Variants in ROCK1 observed in about 807,000 individuals in gnomAD.
ROCK1 encodes the protein rho-associated protein kinase 1.
Under a neutral mutation model 196.8 loss-of-function variants are expected in ROCK1, and 36 were observed. The ratio of observed to expected loss-of-function variants is 0.18; its 90% CI spans 0.14 to 0.24. ROCK1 has a LOEUF of 0.24. ROCK1 is among the 10% of genes least tolerant of loss of function. The pLI is 1.00. For synonymous variants in ROCK1, 443 were observed against 515.9 expected, an observed-to-expected ratio of 0.86 and a Z score of 1.91; for missense variants, 920 against 1,562.0, an observed-to-expected ratio of 0.59 and a Z score of 6.93.
intron 1 of ROCK1, among the ~76,000 whole-genome samples, chr18:21,101,940 T>C (rs1483312458): frequency 3.3e-5 from 5 of 152,192 alleles, no homozygotes; most frequent in South Asian, 2.1e-4. Flanking sequence ...GAATTTACTT[T>C]AAAATATTTT....
Position 21,111,151 on chromosome 18 carries a change from G to C in ROCK1, c.-241C>G. ...GCCCAAAGTCGCATCCCACCCGGCA[G>C]CCCCTCACGACAGCCGACAGCGCCG... On this transcript the variant is annotated 5_prime_UTR_variant, in exon 1 of 33. Coordinates refer to ENST00000399799, the MANE Select transcript of ROCK1 (RefSeq NM_005406.3). This position sits in a 1 kb window ranked among gnomAD's most constrained non-coding sequence, Gnocchi z 4.2. The C allele has an allele frequency of 1.8e-6, 1 of 569,106 alleles. No individual in the cohort carries two copies. The highest frequency in any genetic ancestry group is 3.1e-6 in the Non-Finnish European group (1 of 322,506). The allele number at this position is 569,106 out of a possible 1,614,324, so 35.3% of individuals were successfully genotyped here. A position where few individuals can be genotyped will look rare whatever the true frequency, so the allele number is the denominator to read the frequency against.
At chr18:21,110,101 TG>T (rs2036737281) in intron 1 of ROCK1, among the ~76,000 whole-genome samples, 1 of 152,302 alleles carries the variant, frequency 6.6e-6, no homozygotes, top group South Asian at 2.1e-4. Flanking sequence ...AAAATGGGAT[TG>T]TGGTTTTTCA....
chr18:20,949,799 A>G lies in ROCK1; in HGVS notation c.*1585T>C, dbSNP rs1598503161. The G allele has an allele frequency of 6.5e-6, 1 of 152,784 alleles. No homozygotes were observed. The highest frequency in any genetic ancestry group is 2.1e-4 in the South Asian group (1 of 4,834). The allele number at this position is 152,784 out of a possible 1,614,324, so 9.5% of individuals were successfully genotyped here. A position where few individuals can be genotyped will look rare whatever the true frequency, so the allele number is the denominator to read the frequency against. On this transcript the variant is annotated 3_prime_UTR_variant, in exon 33 of 33. Transcript: ENST00000399799. ...TGGAATTTCACAAACATTTATATAC[A>G]ATCAGAGACTAATTTGAAGTATGTT...
chr18:20,991,420 C>A, intron 17 of ROCK1, 94 bp from the exon 18 acceptor site: 1 of 827,698 alleles, frequency 1.2e-6, no homozygotes, highest in Non-Finnish European at 1.8e-6. Context: ...AGATATGATG[C>A]CTTATTTTAA....
At chr18:21,098,750 C>T (rs954706726) in intron 1 of ROCK1, among the ~76,000 whole-genome samples, 29 of 151,406 alleles carry the variant, frequency 1.9e-4, no homozygotes, top group African/African-American at 3.4e-4. Flanking sequence ...AAAATATGGA[C>T]GGGCAGATCA....
chr18:21,074,092 A>G (rs1453073948), intron 1 of ROCK1, among the ~76,000 whole-genome samples: 2 of 152,198 alleles, frequency 1.3e-5, no homozygotes, highest in African/African-American at 4.8e-5. Flanking sequence ...CAGGAGCTCA[A>G]GGCTACAGTA....
At chr18:20,997,546 T>A (rs2035682562) in intron 16 of ROCK1, among the ~76,000 whole-genome samples, 1 of 152,130 alleles carries the variant, frequency 6.6e-6, no homozygotes, top group African/African-American at 2.4e-5. Context: ...TCCTGGAGAC[T>A]TCAACTCCTC....
chr18:21,077,836 T>C (rs1341148915), intron 1 of ROCK1, among the ~76,000 whole-genome samples: 1 of 152,190 alleles, frequency 6.6e-6, no homozygotes, highest in African/African-American at 2.4e-5. Flanking sequence ...GGTTCTCTTT[T>C]TGTTTTCTGA....
intron 6 of ROCK1, 78 bp downstream of exon 6, chr18:21,044,023 TA>T: frequency 1.2e-6 from 1 of 846,498 alleles, no homozygotes; most frequent in Non-Finnish European, 1.9e-6. Context: ...CACCATTTTC[TA>T]AAGAATTCTT....
chr18:20,956,905 G>A (rs566047698), intron 29 of ROCK1, among the ~76,000 whole-genome samples: 2 of 152,148 alleles, frequency 1.3e-5, no homozygotes, highest in South Asian at 2.1e-4. Context: ...GGCTAATAAC[G>A]ACATGAAAGA....
At chr18:21,104,811 A>T (rs529155845) in intron 1 of ROCK1, among the ~76,000 whole-genome samples, 27 of 152,346 alleles carry the variant, frequency 1.8e-4, no homozygotes, top group Non-Finnish European at 3.2e-4. Flanking sequence ...CTTGGCACAA[A>T]GTATATACCA....
At chr18:21,002,804 C>T (rs2035736692) in intron 16 of ROCK1, among the ~76,000 whole-genome samples, 1 of 152,286 alleles carries the variant, frequency 6.6e-6, no homozygotes, top group South Asian at 2.1e-4. Context: ...TACAGTGGCA[C>T]GATTTCAGCT....
chr18:21,037,751 T>G (rs771600886), intron 9 of ROCK1, among the ~76,000 whole-genome samples: 1 of 152,114 alleles, frequency 6.6e-6, no homozygotes, highest in South Asian at 2.1e-4. Flanking sequence ...ATGCCACTGA[T>G]CTGGACTCCC....
intron 17 of ROCK1, 94 bp from the exon 18 acceptor site, chr18:20,991,420 C>T (rs1318037593): frequency 2.7e-5 from 22 of 827,702 alleles, no homozygotes; most frequent in East Asian, 2.0e-4. Context: ...AGATATGATG[C>T]CTTATTTTAA....
chr18:21,006,434 T>C lies in ROCK1; in HGVS notation c.1802A>G (p.Lys601Arg), dbSNP rs1385026867. ...TATAGCTTGCAGCTGGTAATAATCT[T>C]TGTCTGTTTGTGACTTAGAATTCTC... ...ILENSKSQTDKDYYQLQAILE... is the reference protein window; with the variant it reads ...ILENSKSQTDRDYYQLQAILE... The change falls in exon 16 of 33, where the codon AAA becomes AGA. Residue 601 changes from lysine (K) to arginine (R), a missense_variant. Physicochemically the swap from Lys to Arg is conservative, Grantham distance 26 (BLOSUM62 2). Around this residue, in one of 6 missense-constraint regions of ROCK1, gnomAD observed 520 missense variants for 657.1 expected, o/e 0.79. Coordinates refer to ENST00000399799, the MANE Select transcript of ROCK1 (RefSeq NM_005406.3). 1 of 1,613,618 alleles carries C rather than the reference T, an allele frequency of 6.2e-7. No homozygotes were observed. The highest frequency in any genetic ancestry group is 2.2e-5 in the East Asian group (1 of 44,852).
rs780365484 is a variant in ROCK1 at position 20,966,902 on chromosome 18, C to A, written c.3352+15G>T. The A allele has an allele frequency of 5.0e-6, 8 of 1,586,406 alleles. No individual in the cohort carries two copies. The African/African-American group carries it at 1.1e-4, about 21-fold the overall frequency. ...GACATTTATACATGTTTGAATGATA[C>A]AGAATTATTCTTACCTGGGAGGTTA... is the stretch of plus-strand genomic sequence containing the variant. On this transcript the variant is annotated intron_variant, in intron 27 of 32. Transcript: ENST00000399799.
chr18:20,978,783 C>T lies in ROCK1; in HGVS notation c.2654+1127G>A, dbSNP rs76350704. ...CTCTTGAGGTGGGGAGGAAAGAAGG[C>T]ATAATTAGGAGGTGGGATATAGTGG... is the stretch of plus-strand genomic sequence containing the variant. On this transcript the variant is annotated intron_variant, in intron 22 of 32. Coordinates refer to ENST00000399799, the MANE Select transcript of ROCK1 (RefSeq NM_005406.3). Among the ~76,000 whole-genome samples the T allele has an allele frequency of 1.8e-3, 269 of 152,266 alleles. 6 individuals carry two copies. In the East Asian group the frequency reaches 0.039, roughly 22 times the overall value.
intron 8 of ROCK1, among the ~76,000 whole-genome samples, chr18:21,041,215 T>C (rs1030942089): frequency 6.7e-6 from 1 of 150,006 alleles, no homozygotes; most frequent in African/African-American, 2.5e-5. Context: ...GAGGATCACT[T>C]GATCCCAGGA....
intron 1 of ROCK1, among the ~76,000 whole-genome samples, chr18:21,090,099 A>G (rs757457984): frequency 1.3e-5 from 2 of 152,202 alleles, no homozygotes; most frequent in Non-Finnish European, 2.9e-5. Flanking sequence ...CTTTGAATGG[A>G]TCTTTTATTC....
Sources: allele counts gnomAD v4.1 joint callset (sites outside exome capture counted in the v4.1 genomes callset), GRCh38; gene constraint gnomAD v4.1.1; regional missense constraint gnomAD v4.1.1; non-coding constraint Gnocchi (gnomAD v3.1); transcripts MANE v1.5; gene names NCBI Gene and HGNC (gene_info 2026-07-23, HGNC 2026-07-21).